Variants in ADGRB3 observed in about 807,000 individuals in gnomAD.
The protein encoded by ADGRB3 is brain-specific angiogenesis inhibitor 3.
In ADGRB3, 37 loss-of-function variants were observed where a neutral mutation model predicts 193.4. The ratio of observed to expected loss-of-function variants is 0.19; its 90% confidence interval spans 0.15 to 0.25. The LOEUF is 0.25. Ranked by LOEUF, ADGRB3 falls within the 10% of genes least tolerant of loss-of-function variation. ADGRB3 has a pLI of 1.00. For synonymous variants in ADGRB3, 690 were observed against 644.2 expected, an observed-to-expected ratio of 1.07 and a Z score of -1.08; for missense variants, 1,637 against 1,852.9, an observed-to-expected ratio of 0.88 and a Z score of 2.14.
intron 13 of ADGRB3, among the ~76,000 whole-genome samples, chr6:69,029,965 A>G (rs1171044159): frequency 7.6e-6 from 1 of 131,664 alleles, no homozygotes; most frequent in East Asian, 2.0e-4. Flanking sequence ...TATATATATG[A>G]TATATAGAAT....
intron 8 of ADGRB3, among the ~76,000 whole-genome samples, chr6:68,959,170 A>T (rs1003635616): frequency 1.3e-5 from 2 of 152,068 alleles, no homozygotes; most frequent in Non-Finnish European, 2.9e-5. Flanking sequence ...TATATACTGG[A>T]GTTCCAACTC....
chr6:68,878,157 T>G (rs776391211), intron 3 of ADGRB3, among the ~76,000 whole-genome samples: 6 of 152,080 alleles, frequency 3.9e-5, no homozygotes, highest in Non-Finnish European at 5.9e-5. Context: ...AATAAATCTT[T>G]TAGGATAACT....
At chr6:68,810,705 G>T (rs1161823700) in intron 3 of ADGRB3, among the ~76,000 whole-genome samples, 1 of 151,898 alleles carries the variant, frequency 6.6e-6, no homozygotes, top group African/African-American at 2.4e-5. Context: ...TCACAATGAG[G>T]TTAAAAGTAA....
intron 3 of ADGRB3, among the ~76,000 whole-genome samples, chr6:68,808,074 A>T (rs1317450501): frequency 6.6e-6 from 1 of 152,204 alleles, no homozygotes; most frequent in Non-Finnish European, 1.5e-5. Context: ...GGTCAAATGG[A>T]TCCAATTTCC....
chr6:69,072,483 TA>T (rs1772103432), intron 16 of ADGRB3, among the ~76,000 whole-genome samples: 1 of 152,118 alleles, frequency 6.6e-6, no homozygotes, highest in Non-Finnish European at 1.5e-5. Context: ...TTCAGGGTGA[TA>T]AAAAGGAAAG....
intron 17 of ADGRB3, among the ~76,000 whole-genome samples, chr6:69,181,837 T>C (rs1775592292): frequency 6.6e-6 from 1 of 152,230 alleles, no homozygotes; most frequent in African/African-American, 2.4e-5. Context: ...TTTTTTACTA[T>C]AATCATTTAG....
At chr6:69,214,800 A>C (rs1329032392) in intron 17 of ADGRB3, among the ~76,000 whole-genome samples, 1 of 151,760 alleles carries the variant, frequency 6.6e-6, no homozygotes, top group African/African-American at 2.4e-5. Flanking sequence ...TTACATTTGC[A>C]CCAACCTAAT....
chr6:68,670,323 G>A (rs1265717559), intron 3 of ADGRB3, among the ~76,000 whole-genome samples: 1 of 151,826 alleles, frequency 6.6e-6, no homozygotes, highest in Non-Finnish European at 1.5e-5. Context: ...GTAGGGTCTT[G>A]CTCAAGAAAC....
intron 3 of ADGRB3, among the ~76,000 whole-genome samples, chr6:68,743,238 C>A (rs1766015632): frequency 6.6e-6 from 1 of 151,992 alleles, no homozygotes; most frequent in South Asian, 2.1e-4. Flanking sequence ...TTTTCCTTCT[C>A]TTCTGGATCA....
chr6:69,022,876 G>T (rs953231421), intron 13 of ADGRB3, among the ~76,000 whole-genome samples: 10 of 151,964 alleles, frequency 6.6e-5, no homozygotes, highest in African/African-American at 2.4e-4. Context: ...AAGGGAATGG[G>T]ACTATATTGT....
intron 3 of ADGRB3, among the ~76,000 whole-genome samples, chr6:68,899,398 A>G (rs892335226): frequency 2.7e-5 from 4 of 149,104 alleles, no homozygotes; most frequent in Admixed American, 2.0e-4. Context: ...CCACTAACTC[A>G]TCATCTAGCA....
intron 12 of ADGRB3, among the ~76,000 whole-genome samples, chr6:69,016,849 C>T (rs1311428966): frequency 6.6e-6 from 1 of 151,716 alleles, no homozygotes; most frequent in African/African-American, 2.4e-5. Context: ...AGAGACTCTT[C>T]CCTTATTTTC....
chr6:68,928,342 A>C (rs1490280393), intron 3 of ADGRB3, among the ~76,000 whole-genome samples: 1 of 152,126 alleles, frequency 6.6e-6, no homozygotes, highest in African/African-American at 2.4e-5. Flanking sequence ...TCTGGGAAAG[A>C]TAGTGAGACC....
chr6:69,328,434 T>C (rs1768631730), intron 22 of ADGRB3, among the ~76,000 whole-genome samples: 1 of 152,138 alleles, frequency 6.6e-6, no homozygotes, highest in Non-Finnish European at 1.5e-5. Context: ...TTTATAGTGG[T>C]AGAGCTGATA....
At chr6:69,314,304 A>G (rs1218855490) in intron 20 of ADGRB3, among the ~76,000 whole-genome samples, 5 of 151,672 alleles carry the variant, frequency 3.3e-5, no homozygotes, top group African/African-American at 1.2e-4. Context: ...GATGCTTTAT[A>G]TGAATATGAA....
chr6:69,313,334 A>G (rs1212847964), intron 20 of ADGRB3, among the ~76,000 whole-genome samples: 1 of 151,828 alleles, frequency 6.6e-6, no homozygotes, highest in Non-Finnish European at 1.5e-5. Context: ...TTATACCAGG[A>G]TGCCCCTAAA....
intron 11 of ADGRB3, among the ~76,000 whole-genome samples, chr6:69,001,753 A>C (rs1769584279): frequency 6.6e-6 from 1 of 152,228 alleles, no homozygotes; most frequent in Non-Finnish European, 1.5e-5. Context: ...ATCTGAATGC[A>C]AGGACCAGTC....
intron 3 of ADGRB3, among the ~76,000 whole-genome samples, chr6:68,824,625 ATATAT>A (rs1767808905): frequency 6.7e-6 from 1 of 148,208 alleles, no homozygotes; most frequent in Non-Finnish European, 1.5e-5. Context: ...ATAATATATA[ATATAT>A]TATATATGTG....
At chr6:68,918,177 G>T (rs185080186) in intron 3 of ADGRB3, among the ~76,000 whole-genome samples, 1 of 152,120 alleles carries the variant, frequency 6.6e-6, no homozygotes, top group Non-Finnish European at 1.5e-5. Context: ...TGATGAAAAA[G>T]TTCATTATAA....
Sources: allele counts gnomAD v4.1 joint callset (sites outside exome capture counted in the v4.1 genomes callset), GRCh38; gene constraint gnomAD v4.1.1; transcripts MANE v1.5; gene names NCBI Gene and HGNC (gene_info 2026-07-23, HGNC 2026-07-21).